The following XAGE5 variants were observed in gnomAD, a reference collection of about 807,000 sequenced individuals.
XAGE5 encodes the protein G antigen, family D, 5.
XAGE5 carries 13 observed loss-of-function variants against 13.1 expected under a neutral mutation model. That is an observed-to-expected ratio of 0.99 (90% CI 0.64 to 1.57). The LOEUF (loss-of-function observed/expected upper bound fraction) is 1.57, where lower values mean the gene tolerates loss of function less well. XAGE5 is among the 40% of genes most tolerant of loss of function. The pLI, the probability that XAGE5 is intolerant of heterozygous loss-of-function variation, is 0.00. For missense variants in XAGE5, 86 were observed against 77.6 expected (o/e 1.11, Z -0.41); for synonymous variants, 17 against 25.0 (o/e 0.68, Z 0.96).
At chrX:52,815,786 A>G (rs1926895228) in intron 5 of XAGE5, among the ~76,000 whole-genome samples, 1 of 112,247 alleles carries the variant, frequency 8.9e-6, no homozygotes, top group South Asian at 3.7e-4. Flanking sequence ...CTTCAGTCCA[A>G]TTGTAATATC....
chrX:52,813,163 A>G lies in XAGE5; in HGVS notation c.96A>G (p.Gln32=), dbSNP rs1926834534. ...PMLEPSVPEP[Q]QEEPPTESQD... ...AGGAGCCCAGTGTGCCAGAGCCTCA[A>G]CAAGAAGAACCACCAACTGAAAGTC... Residue 32 remains glutamine, a synonymous_variant, in exon 4 of 6, where the codon CAA becomes CAG. Coordinates refer to ENST00000375501, the MANE Select transcript of XAGE5 (RefSeq NM_001386970.1). 1 of 1,210,943 alleles carries G rather than the reference A, an allele frequency of 8.3e-7. No individual in the cohort carries two copies. The highest frequency in any genetic ancestry group is 3.0e-5 in the East Asian group (1 of 33,822).
intron 5 of XAGE5, among the ~76,000 whole-genome samples, 189 bp downstream of exon 5, chrX:52,815,406 A>T (rs1926888119): frequency 8.9e-6 from 1 of 112,610 alleles, no homozygotes; most frequent in Non-Finnish European, 1.9e-5. Flanking sequence ...ACAGACACAA[A>T]TTGGGTGAAA....
chrX:52,813,299 A>C, intron 4 of XAGE5, 54 bp downstream of exon 4: 1 of 1,041,766 alleles, frequency 9.6e-7, no homozygotes, highest in Non-Finnish European at 1.3e-6. Flanking sequence ...CTGTGTGTGC[A>C]TCACGCCTTA....
At chrX:52,813,313 C>G (rs782109661) in intron 4 of XAGE5, 68 bp downstream of exon 4, 20 of 984,321 alleles carry the variant, frequency 2.0e-5, no homozygotes, top group Non-Finnish European at 2.8e-5. Flanking sequence ...CGCCTTATGC[C>G]ATGACCAGTA....
Position 52,812,562 on chromosome X carries a change from G to A in XAGE5, c.-5G>A. ...GTGCACACTATTCTGTTTGCAGACT[G>A]AAATATGAGTTGGCGAGGAAGAAGA... is the stretch of plus-strand genomic sequence containing the variant. On this transcript the variant is annotated 5_prime_UTR_variant, in exon 3 of 6. The change abolishes the stop of an existing upstream ORF in the 5' untranslated region. Transcript: ENST00000375501. 8.3e-7 allele frequency: 1 copy of A among 1,210,391 alleles called. No individual in the cohort carries two copies. The highest frequency in any genetic ancestry group is 1.8e-5 in the South Asian group (1 of 56,837).
chrX:52,815,931 T>C (rs1197682395), intron 5 of XAGE5, among the ~76,000 whole-genome samples: 1 of 111,932 alleles, frequency 8.9e-6, no homozygotes, highest in Non-Finnish European at 1.9e-5. Flanking sequence ...AAACAACTAT[T>C]GTTTTATTTA....
chrX:52,818,094 G>A (rs1926943815), intron 5 of XAGE5, 97 bp from the exon 6 acceptor site: 1 of 1,075,520 alleles, frequency 9.3e-7, no homozygotes, highest in Admixed American at 2.4e-5. Flanking sequence ...TTAGTCCACT[G>A]TATAAAACTA....
At chrX:52,813,325 C>G in intron 4 of XAGE5, 80 bp downstream of exon 4, 2 of 945,968 alleles carry the variant, frequency 2.1e-6, no homozygotes, top group Non-Finnish European at 3.0e-6. Flanking sequence ...TGACCAGTAA[C>G]AGGAGGAAAG....
chrX:52,812,716 T>TA (rs1306096522), intron 3 of XAGE5, 78 bp downstream of exon 3: 1 of 914,138 alleles, frequency 1.1e-6, no homozygotes, highest in African/African-American at 2.0e-5. Context: ...CTAGTATAGA[T>TA]ACACTGATAA....
At chrX:52,811,502 G>A (rs1307094476) in intron 1 of XAGE5, among the ~76,000 whole-genome samples, 46 bp from the exon 2 acceptor site, 2 of 111,386 alleles carry the variant, frequency 1.8e-5, no homozygotes, top group East Asian at 2.8e-4. Flanking sequence ...TGATGTCGTC[G>A]TCCTTCTCGT....
At chrX:52,816,114 T>A (rs1240762087) in intron 5 of XAGE5, among the ~76,000 whole-genome samples, 1 of 111,257 alleles carries the variant, frequency 9.0e-6, no homozygotes, top group Non-Finnish European at 1.9e-5. Flanking sequence ...CAACTAACTT[T>A]TGTATTTTTA....
intron 4 of XAGE5, chrX:52,814,253 A>C (rs1556777793): frequency 6.1e-6 from 2 of 328,840 alleles, no homozygotes; most frequent in South Asian, 5.3e-5. Context: ...TCCAGAAAAG[A>C]GGTCAATGAA....
intron 2 of XAGE5, among the ~76,000 whole-genome samples, 128 bp downstream of exon 2, chrX:52,811,847 C>G (rs974986109): frequency 1.8e-5 from 2 of 110,937 alleles, no homozygotes; most frequent in South Asian, 3.9e-4. Context: ...CTTCTCAACC[C>G]CATCTTGGAA....
chrX:52,818,054 A>G, intron 5 of XAGE5, 137 bp from the exon 6 acceptor site: 1 of 689,818 alleles, frequency 1.4e-6, no homozygotes, highest in Non-Finnish European at 2.2e-6. Flanking sequence ...GTTGAATATT[A>G]GCCGTAGGGA....
intron 5 of XAGE5, among the ~76,000 whole-genome samples, chrX:52,817,824 TG>T (rs1156980736): frequency 2.7e-5 from 3 of 111,947 alleles, no homozygotes; most frequent in African/African-American, 9.7e-5. Flanking sequence ...AAATTCCTTC[TG>T]TTTCTTAGGT....
intron 4 of XAGE5, 33 bp downstream of exon 4, chrX:52,813,278 G>C: frequency 1.7e-6 from 2 of 1,160,804 alleles, no homozygotes; most frequent in Non-Finnish European, 2.3e-6. Flanking sequence ...ATGTCTATGG[G>C]GGGAGGAGGC....
At position 52,811,618 on chromosome X, in the gene XAGE5, G is replaced by A. The variant is rs1926798333; in HGVS notation, c.-110G>A. On this transcript the variant is annotated 5_prime_UTR_variant, in exon 2 of 6. Transcript: ENST00000375501. ...TTAGGTGAAGCTGGGGCAATGCTGG[G>A]GTGCTGTTGGTGGTATTCCAGTCCC... 9.0e-6 allele frequency among the ~76,000 whole-genome samples: 1 copy of A among 110,725 alleles called. No individual in the cohort carries two copies. The highest frequency in any genetic ancestry group is 1.9e-5 in the Non-Finnish European group (1 of 52,870).
rs1556777966 is a variant in XAGE5 at position 52,815,222 on chromosome X, G to T, written c.304+5G>T. ...AATTTAAAATGCCAGAAGGAGGTAT[G>T]TTATCCATTAAGATTAAAAATTATG... On this transcript the variant is annotated splice_donor_5th_base_variant and intron_variant, in intron 5 of 5. Coordinates refer to ENST00000375501, the MANE Select transcript of XAGE5 (RefSeq NM_001386970.1). 8.3e-7 allele frequency: 1 copy of T among 1,204,249 alleles called. No homozygotes were observed. Among genetic ancestry groups the T allele is most frequent in the Non-Finnish European group, 1.1e-6 (1 of 892,536 alleles).
chrX:52,815,037 C>T, intron 4 of XAGE5, 55 bp from the exon 5 acceptor site: 2 of 1,193,900 alleles, frequency 1.7e-6, no homozygotes, highest in Non-Finnish European at 2.3e-6. Flanking sequence ...AGGATCATCT[C>T]CTTATTTATC....
Sources: allele counts gnomAD v4.1 joint callset (sites outside exome capture counted in the v4.1 genomes callset), GRCh38; gene constraint gnomAD v4.1.1; transcripts MANE v1.5; gene names NCBI Gene and HGNC (gene_info 2026-07-23, HGNC 2026-07-21).